RPRD1B: variants seen among roughly 807,000 people sequenced by gnomAD.
The protein encoded by RPRD1B is regulation of nuclear pre-mRNA domain-containing protein 1B.
Under a neutral mutation model 41.5 loss-of-function variants are expected in RPRD1B, and 11 were observed. The ratio of observed to expected loss-of-function variants is 0.27; its 90% CI spans 0.17 to 0.44. RPRD1B has a LOEUF of 0.44. Ranked by LOEUF, RPRD1B falls within the 20% of genes least tolerant of loss-of-function variation. RPRD1B has a pLI of 1.00. For synonymous variants in RPRD1B, 158 were observed against 155.6 expected, an observed-to-expected ratio of 1.02 and a Z score of -0.12; for missense variants, 248 against 389.9, an observed-to-expected ratio of 0.64 and a Z score of 3.06.
At chr20:38,078,403 TCAC>T (rs917265136) in intron 6 of RPRD1B, among the ~76,000 whole-genome samples, 1 of 152,220 alleles carries the variant, frequency 6.6e-6, no homozygotes, top group Non-Finnish European at 1.5e-5. Flanking sequence ...ATTCCTGTGT[TCAC>T]CATTTGTATC....
intron 6 of RPRD1B, among the ~76,000 whole-genome samples, chr20:38,080,926 A>G (rs907528592): frequency 2.0e-5 from 3 of 152,180 alleles, no homozygotes; most frequent in Non-Finnish European, 4.4e-5. Flanking sequence ...GCCTTATAGT[A>G]TAGTTTGAAG....
intron 6 of RPRD1B, among the ~76,000 whole-genome samples, chr20:38,067,389 T>A (rs1031917160): frequency 6.6e-6 from 1 of 152,206 alleles, no homozygotes; most frequent in Non-Finnish European, 1.5e-5. Context: ...TCATGTTGTA[T>A]TTCAAGAAAT....
In RPRD1B at chr20:38,034,247, C is replaced by T. The variant is rs968454727; in HGVS notation, c.151+149C>T. The T allele has an allele frequency of 6.5e-6, 6 of 925,676 alleles. No homozygotes were observed. In the African/African-American group the frequency reaches 8.4e-5, roughly 13 times the overall value. The allele number at this position is 925,676 out of a possible 1,614,324, so 57.3% of individuals were successfully genotyped here. On this transcript the variant is annotated intron_variant, in intron 1 of 6. Transcript: ENST00000373433. Reference sequence around the variant, plus strand: ...GGGAGACAAAGTTAGCCCCATTTCTCGAAGAAGGAAACTGAGGCCCGGGAA... The same window carrying T: ...GGGAGACAAAGTTAGCCCCATTTCTTGAAGAAGGAAACTGAGGCCCGGGAA...
chr20:38,071,479 A>G (rs189971043), intron 6 of RPRD1B, among the ~76,000 whole-genome samples: 1 of 152,216 alleles, frequency 6.6e-6, no homozygotes, highest in Non-Finnish European at 1.5e-5. Flanking sequence ...GCTCTTATGA[A>G]TAGTGTTGCT....
Position 38,089,713 on chromosome 20 carries a change from T to C in RPRD1B, c.832-13T>C, listed in dbSNP as rs1224115742. 4 of 1,611,308 alleles carry C rather than the reference T, an allele frequency of 2.5e-6. No homozygotes were observed. The highest frequency in any genetic ancestry group is 3.4e-6 in the Non-Finnish European group (4 of 1,177,870). ...ACAGACTTAACGGTATTGTCTTCTC[T>C]TTATCTCCTTAGGAATACAAACAGA... On this transcript the variant is annotated splice_polypyrimidine_tract_variant and intron_variant, in intron 6 of 6. Coordinates refer to ENST00000373433, the MANE Select transcript of RPRD1B (RefSeq NM_021215.4).
intron 6 of RPRD1B, among the ~76,000 whole-genome samples, chr20:38,071,015 C>T (rs534778632): frequency 1.2e-4 from 18 of 152,244 alleles, no homozygotes; most frequent in African/African-American, 3.9e-4. Context: ...TACAGGCATG[C>T]GCCTCCATGC....
At position 38,092,012 on chromosome 20, in the gene RPRD1B, T is replaced by C; in HGVS notation, c.*2137T>C. 1 of 985,874 alleles carries C rather than the reference T, an allele frequency of 1.0e-6. No homozygotes were observed. Among genetic ancestry groups the C allele is most frequent in the Non-Finnish European group, 1.2e-6 (1 of 829,926 alleles). The allele number at this position is 985,874 out of a possible 1,614,324, so 61.1% of individuals were successfully genotyped here. On this transcript the variant is annotated 3_prime_UTR_variant, in exon 7 of 7. Coordinates refer to ENST00000373433, the MANE Select transcript of RPRD1B (RefSeq NM_021215.4). The stretch of plus-strand genomic sequence containing the variant: ...CGTTTTTTAAATCTTAATTCTGCTG[T>C]CCACATCCTCCCAAAGTGTGCTTAC...
At chr20:38,080,052 A>G (rs1367668842) in intron 6 of RPRD1B, among the ~76,000 whole-genome samples, 2 of 152,068 alleles carry the variant, frequency 1.3e-5, no homozygotes, top group African/African-American at 2.4e-5. Flanking sequence ...TCCTTTACCT[A>G]TTTTTAATGG....
chr20:38,050,077 T>A (rs2074169628), intron 3 of RPRD1B, among the ~76,000 whole-genome samples: 1 of 152,204 alleles, frequency 6.6e-6, no homozygotes, highest in East Asian at 1.9e-4. Flanking sequence ...TCTGGGCCCA[T>A]GTGGTCATTC....
intron 2 of RPRD1B, among the ~76,000 whole-genome samples, chr20:38,044,372 A>ATTTTTT (rs74179885): frequency 5.6e-5 from 7 of 124,510 alleles, no homozygotes; most frequent in African/African-American, 1.6e-4. Flanking sequence ...TCAGGTGTTC[A>ATTTTTT]TTTTTTTTTT....
At chr20:38,041,176 C>A (rs2074062713) in intron 2 of RPRD1B, among the ~76,000 whole-genome samples, 1 of 152,140 alleles carries the variant, frequency 6.6e-6, no homozygotes, top group Non-Finnish European at 1.5e-5. Flanking sequence ...AATTACTTTA[C>A]TTCATGTAAA....
At chr20:38,072,587 C>T (rs777233074) in intron 6 of RPRD1B, among the ~76,000 whole-genome samples, 3 of 152,110 alleles carry the variant, frequency 2.0e-5, no homozygotes, top group East Asian at 1.9e-4. Flanking sequence ...ATTGAGTCTG[C>T]GGGTCACTTT....
chr20:38,034,524 G>A (rs1177150955), intron 1 of RPRD1B, among the ~76,000 whole-genome samples: 1 of 152,218 alleles, frequency 6.6e-6, no homozygotes, highest in Non-Finnish European at 1.5e-5. Context: ...ATAATACTGG[G>A]AGAGTTTCTT....
Position 38,064,780 on chromosome 20 carries a change from A to G in RPRD1B, c.656-1301A>G, listed in dbSNP as rs140570636. On this transcript the variant is annotated intron_variant, in intron 5 of 6. Transcript: ENST00000373433. ...TGACCAACAGTTTTTGAAAAATGGA[A>G]TAAAGCCATCCTGGCTAACACAGTG... is the stretch of plus-strand genomic sequence containing the variant. Among the ~76,000 whole-genome samples the G allele has an allele frequency of 8.3e-3, 1,269 of 152,258 alleles. 10 individuals are homozygous for G. The highest frequency in any genetic ancestry group is 0.025 in the African/African-American group (1,041 of 41,544).
chr20:38,069,248 C>T (rs774935587), intron 6 of RPRD1B, among the ~76,000 whole-genome samples: 3 of 152,182 alleles, frequency 2.0e-5, no homozygotes, highest in South Asian at 4.2e-4. Flanking sequence ...GAGGGAATTA[C>T]GGCTCAAAGT....
chr20:38,041,006 A>G (rs947185442), intron 2 of RPRD1B, among the ~76,000 whole-genome samples: 1 of 152,236 alleles, frequency 6.6e-6, no homozygotes, highest in African/African-American at 2.4e-5. Flanking sequence ...AATAGTAGGC[A>G]TTACTGTAAC....
At chr20:38,070,216 T>G in intron 6 of RPRD1B, 1 of 985,448 alleles carries the variant, frequency 1.0e-6, no homozygotes, top group Non-Finnish European at 1.2e-6. Flanking sequence ...TTTTTGACTT[T>G]TGCTTCAGGG....
chr20:38,082,913 T>C (rs1265468422), intron 6 of RPRD1B, among the ~76,000 whole-genome samples: 1 of 152,216 alleles, frequency 6.6e-6, no homozygotes, highest in East Asian at 1.9e-4. Flanking sequence ...AAAACTACAA[T>C]AAACATTGCT....
At chr20:38,083,553 G>A (rs1187404800) in intron 6 of RPRD1B, among the ~76,000 whole-genome samples, 1 of 152,170 alleles carries the variant, frequency 6.6e-6, no homozygotes, top group Non-Finnish European at 1.5e-5. Flanking sequence ...CACCTTTTGT[G>A]TAGAGGAGCC....
Sources: allele counts gnomAD v4.1 joint callset (sites outside exome capture counted in the v4.1 genomes callset), GRCh38; gene constraint gnomAD v4.1.1; transcripts MANE v1.5; gene names NCBI Gene and HGNC (gene_info 2026-07-23, HGNC 2026-07-21).